Variants in UBAP2L observed in about 807,000 individuals in gnomAD.
The protein encoded by UBAP2L is ubiquitin associated protein 2 like.
In UBAP2L, 12 loss-of-function variants were observed where a neutral mutation model predicts 130.6. The observed-to-expected ratio is 0.09, with a 90% CI of 0.06 to 0.15. UBAP2L has a LOEUF of 0.15. Ranked by LOEUF, UBAP2L falls within the 10% of genes least tolerant of loss-of-function variation. UBAP2L has a pLI of 1.00. For missense variants in UBAP2L, 965 were observed against 1,332.5 expected, an observed-to-expected ratio of 0.72 and a Z score of 4.29; for synonymous variants, 503 against 524.7, an observed-to-expected ratio of 0.96 and a Z score of 0.57.
rs755648252 is a variant in UBAP2L, at chr1:154,270,354, A to G, written c.*59A>G. 61 of 1,610,612 alleles carry G rather than the reference A, an allele frequency of 3.8e-5. No homozygotes were observed. The highest frequency in any genetic ancestry group is 5.3e-5 in the African/African-American group (4 of 74,854). ...GAGAGGGCTTCTCAGCCTGGAAACTATGGAAACAGCATCAAAGAGAAAGGA... is the reference window on the plus strand; with the variant it reads ...GAGAGGGCTTCTCAGCCTGGAAACTGTGGAAACAGCATCAAAGAGAAAGGA... On this transcript the variant is annotated 3_prime_UTR_variant, in exon 27 of 27. Coordinates refer to ENST00000428931, the MANE Select transcript of UBAP2L (RefSeq NM_014847.4).
At chr1:154,264,362 CTGTT>C (rs564395501) in intron 24 of UBAP2L, among the ~76,000 whole-genome samples, 11 of 152,078 alleles carry the variant, frequency 7.2e-5, no homozygotes, top group South Asian at 2.1e-4. Flanking sequence ...GGTATTGTCA[CTGTT>C]TGGGGATAAG....
intron 9 of UBAP2L, 25 bp downstream of exon 9, chr1:154,241,590 AC>A (rs1673651887): frequency 6.2e-7 from 1 of 1,613,576 alleles, no homozygotes; most frequent in African/African-American, 1.3e-5. Context: ...GTCATTCCTC[AC>A]TAATGCCTTC....
At chr1:154,266,857 C>CT (rs1370007527) in intron 25 of UBAP2L, among the ~76,000 whole-genome samples, 1 of 139,862 alleles carries the variant, frequency 7.1e-6, no homozygotes, top group Non-Finnish European at 1.6e-5. Context: ...TTCCTACCTA[C>CT]TCCCAACCTT....
intron 24 of UBAP2L, among the ~76,000 whole-genome samples, chr1:154,265,632 T>G (rs919027190): frequency 1.3e-5 from 2 of 152,180 alleles, no homozygotes; most frequent in African/African-American, 4.8e-5. Flanking sequence ...GAGTATTTAT[T>G]TGTTTGAGGA....
chr1:154,220,214 G>T, upstream of UBAP2L: 2 of 1,155,924 alleles, frequency 1.7e-6, no homozygotes, highest in South Asian at 2.5e-5. Context: ...CCTACTCCTG[G>T]AATAAGGAGT....
In UBAP2L at chr1:154,232,887, A is replaced by G. The variant is rs1366501101; in HGVS notation, c.280-1704A>G. On this transcript the variant is annotated intron_variant, in intron 4 of 26. Coordinates refer to ENST00000428931, the MANE Select transcript of UBAP2L (RefSeq NM_014847.4). ...AATTTTTAAATTTTTAGTAGAGACC[A>G]GAGTCTCATTTGGTTGCCTGGGCTG... 2.6e-5 allele frequency among the ~76,000 whole-genome samples: 4 copies of G among 152,096 alleles called. No individual in the cohort carries two copies. The East Asian group carries it at 7.7e-4, about 29-fold the overall frequency.
chr1:154,230,936 C>T (rs1389735922), intron 4 of UBAP2L, among the ~76,000 whole-genome samples: 2 of 152,166 alleles, frequency 1.3e-5, no homozygotes, highest in African/African-American at 4.8e-5. Context: ...TGAAACTTGC[C>T]AGGTTTTGAG....
intron 4 of UBAP2L, among the ~76,000 whole-genome samples, chr1:154,230,109 C>T (rs1156736412): frequency 1.3e-5 from 2 of 152,000 alleles, no homozygotes; most frequent in African/African-American, 4.8e-5. Flanking sequence ...TGGGTTCAAG[C>T]AATTCTCATG....
intron 9 of UBAP2L, 35 bp downstream of exon 9, chr1:154,241,600 T>C (rs1197177376): frequency 1.2e-6 from 2 of 1,612,482 alleles, no homozygotes; most frequent in Admixed American, 1.7e-5. Context: ...ACTAATGCCT[T>C]CTATCCCTAA....
chr1:154,220,354 G>A, upstream of UBAP2L: 1 of 1,614,214 alleles, frequency 6.2e-7, no homozygotes, highest in Non-Finnish European at 8.5e-7. Flanking sequence ...GGCTCCCGTA[G>A]GCCATCACCA....
intron 26 of UBAP2L, chr1:154,269,828 G>C (rs1055534409): frequency 1.4e-5 from 3 of 211,286 alleles, no homozygotes; most frequent in Admixed American, 5.5e-5. Flanking sequence ...CTCAAAGACA[G>C]CTTTCCAAAT....
At chr1:154,220,322 G>T, upstream of UBAP2L, 2 of 1,613,326 alleles carry the variant, frequency 1.2e-6, no homozygotes, top group Non-Finnish European at 1.7e-6. Flanking sequence ...AGCAGGAATG[G>T]GGTGGGGTAA....
intron 8 of UBAP2L, among the ~76,000 whole-genome samples, chr1:154,237,822 G>A (rs1317768636): frequency 6.6e-6 from 1 of 152,154 alleles, no homozygotes; most frequent in Non-Finnish European, 1.5e-5. Context: ...GTCTGGGCTG[G>A]ATATAAATGT....
Position 154,251,225 on chromosome 1 carries a change from G to A in UBAP2L, c.1398G>A (p.Met466Ile), listed in dbSNP as rs1489759408. The A allele has an allele frequency of 6.2e-7, 1 of 1,614,148 alleles. No individual in the cohort carries two copies. ...LPSKSTSAPQ[M>I]SPGSSDNQSS... ...GCAAATCCACATCGGCTCCACAGAT[G>A]TCGCCTGGATCTTCAGACAACCAGT... Residue 466 changes from methionine (M) to isoleucine (I), a missense_variant, in exon 13 of 27, where the codon ATG becomes ATA. Met to Ile is a conservative substitution (Grantham distance 10). Transcript: ENST00000428931.
intron 3 of UBAP2L, 96 bp downstream of exon 3, chr1:154,227,455 T>C: frequency 9.1e-7 from 1 of 1,103,764 alleles, no homozygotes; most frequent in South Asian, 1.3e-5. Flanking sequence ...TACTTTCTAC[T>C]ATAGGTATTG....
Position 154,259,994 on chromosome 1 carries a change from G to A in UBAP2L, c.2543G>A (p.Gly848Glu). 2 of 1,614,116 alleles carry A rather than the reference G, an allele frequency of 1.2e-6. No individual in the cohort carries two copies. The highest frequency in any genetic ancestry group is 8.5e-7 in the Non-Finnish European group (1 of 1,180,024). The change falls in exon 22 of 27, where the codon GGG (glycine) becomes GAG (glutamate). Residue 848 changes from glycine (G) to glutamate (E), a missense_variant. By Grantham distance (98) the Gly-to-Glu change is moderately conservative. Around this residue, in one of 9 missense-constraint regions of UBAP2L, gnomAD observed 194 missense variants for 334.0 expected, o/e 0.58. Coordinates refer to ENST00000428931, the MANE Select transcript of UBAP2L (RefSeq NM_014847.4). The stretch of plus-strand genomic sequence containing the variant: ...CCCACACCCACTACTCCGCTGACTG[G>A]GAGGGATGGTAGCCTGGCCAGCAAC... ...PFPTPTTPLTGRDGSLASNPY... is the reference protein window; with the variant it reads ...PFPTPTTPLTERDGSLASNPY...
chr1:154,269,442 A>C lies in UBAP2L; in HGVS notation c.3168+488A>C, dbSNP rs995367212. ...TGAAATTGAATGATCATATGCTTGA[A>C]CCCACTCCTTTTCAGTCCCCATTTC... On this transcript the variant is annotated intron_variant, in intron 26 of 26. Transcript: ENST00000428931. 1.2e-5 allele frequency: 15 copies of C among 1,304,328 alleles called. No individual in the cohort carries two copies. In the South Asian group the frequency reaches 1.5e-4, roughly 13 times the overall value. 80.8% of individuals were successfully genotyped at this position (1,304,328 alleles called of 1,614,324 possible). A position where few individuals can be genotyped will look rare whatever the true frequency, so the allele number is the denominator to read the frequency against.
intron 24 of UBAP2L, among the ~76,000 whole-genome samples, chr1:154,265,081 CT>C (rs1682842220): frequency 6.6e-6 from 1 of 152,110 alleles, no homozygotes; most frequent in Non-Finnish European, 1.5e-5. Flanking sequence ...TTTTCTCTTG[CT>C]TGGTTTTCTG....
At chr1:154,271,346 A>G (rs1345865601), downstream of UBAP2L, 2 of 188,874 alleles carry the variant, frequency 1.1e-5, no homozygotes, top group Admixed American at 5.8e-5. Context: ...GAGGGATGAA[A>G]GACTACATAT....
Sources: allele counts gnomAD v4.1 joint callset (sites outside exome capture counted in the v4.1 genomes callset), GRCh38; gene constraint gnomAD v4.1.1; regional missense constraint gnomAD v4.1.1; transcripts MANE v1.5; gene names NCBI Gene and HGNC (gene_info 2026-07-23, HGNC 2026-07-21).